The following SPINT1 variants were observed in gnomAD, a reference collection of about 807,000 sequenced individuals.
SPINT1 encodes the protein kunitz-type protease inhibitor 1.
Under a neutral mutation model 53.7 loss-of-function variants are expected in SPINT1, and 38 were observed. That is an observed-to-expected ratio of 0.71 (90% CI 0.55 to 0.93). The LOEUF is 0.93. Among genes scored for constraint, SPINT1 ranks in the 40% least tolerant of loss-of-function variants. The pLI is 0.00. For synonymous variants in SPINT1, 283 were observed against 280.6 expected, an observed-to-expected ratio of 1.01 and a Z score of -0.08; for missense variants, 645 against 692.9, an observed-to-expected ratio of 0.93 and a Z score of 0.78.
chr15:40,855,187 C>T (rs936627571), intron 8 of SPINT1, among the ~76,000 whole-genome samples: 46 of 151,928 alleles, frequency 3.0e-4, no homozygotes, highest in African/African-American at 9.7e-4. Context: ...TCAAGACCAG[C>T]GTGGGCAATA....
Position 40,857,046 on chromosome 15 carries a change from A to T in SPINT1, c.*71A>T. ...AAGGCAGAGGCCTGGGCTGGGAAAAACTTTGGAACCAGACTCTTGCCTGTT... is the reference window on the plus strand; with the variant it reads ...AAGGCAGAGGCCTGGGCTGGGAAAATCTTTGGAACCAGACTCTTGCCTGTT... On this transcript the variant is annotated 3_prime_UTR_variant, in exon 11 of 11. Coordinates refer to ENST00000562057, the MANE Select transcript of SPINT1 (RefSeq NM_003710.4). 1.9e-6 allele frequency: 3 copies of T among 1,570,110 alleles called. No homozygotes were observed. Among genetic ancestry groups the T allele is most frequent in the Non-Finnish European group, 2.6e-6 (3 of 1,154,634 alleles).
chr15:40,856,375 C>T (rs757540941), intron 10 of SPINT1, 52 bp downstream of exon 10: 6 of 1,603,740 alleles, frequency 3.7e-6, no homozygotes, highest in African/African-American at 1.3e-5. Flanking sequence ...TATCAACTCA[C>T]GGATCAACTC....
rs1426745923 is a variant in SPINT1 at position 40,844,701 on chromosome 15, C to T, written c.147C>T (p.Asp49=). The T allele has an allele frequency of 1.2e-6, 2 of 1,608,558 alleles. No individual in the cohort carries two copies. Among genetic ancestry groups the T allele is most frequent in the Non-Finnish European group, 1.7e-6 (2 of 1,177,386 alleles). ...PAPPGLPAGA[D]CLNSFTAGVP... Reference sequence around the variant, plus strand: ...CCCCTGGGCTGCCCGCGGGAGCCGACTGCCTGAACAGCTTTACCGCCGGGG... The same window carrying T: ...CCCCTGGGCTGCCCGCGGGAGCCGATTGCCTGAACAGCTTTACCGCCGGGG... Residue 49 remains aspartate (D), a synonymous_variant, in exon 2 of 11, where the codon GAC becomes GAT. Coordinates refer to ENST00000562057, the MANE Select transcript of SPINT1 (RefSeq NM_003710.4). The surrounding 1 kb of genome is among the most constrained non-coding windows in gnomAD (Gnocchi z 5.8).
At chr15:40,852,442 C>T (rs1209126369) in intron 2 of SPINT1, among the ~76,000 whole-genome samples, 1 of 152,150 alleles carries the variant, frequency 6.6e-6, no homozygotes, top group South Asian at 2.1e-4. Flanking sequence ...CTACAGGCAG[C>T]GATCCTGCAC....
Position 40,853,627 on chromosome 15 carries a change from G to A in SPINT1, c.742G>A (p.Asp248Asn). Residue 248 changes from aspartate (D) to asparagine (N), a missense_variant and splice_region_variant, in exon 4 of 11, where the codon GAC becomes AAC. Coordinates refer to ENST00000562057, the MANE Select transcript of SPINT1 (RefSeq NM_003710.4). ...TGTGCTGTCCACCAAGCAGACAGAA[G>A]GTGAGGGAGGGGTGAGGAGCAGCAC... is the stretch of plus-strand genomic sequence containing the variant. ...VTVLSTKQTE[D>N]YCLASNKVGR... is the part of the protein sequence containing the mutation. 6.2e-7 allele frequency: 1 copy of A among 1,614,020 alleles called. No individual in the cohort carries two copies. The highest frequency in any genetic ancestry group is 8.5e-7 in the Non-Finnish European group (1 of 1,179,950).
At chr15:40,853,650 C>T (rs758838184) in intron 4 of SPINT1, 23 bp downstream of exon 4, 2 of 1,613,996 alleles carry the variant, frequency 1.2e-6, no homozygotes, top group South Asian at 2.2e-5. Flanking sequence ...TGAGGAGCAG[C>T]ACCTGGAGCC....
chr15:40,845,119 G>T (rs1891250524), intron 2 of SPINT1, 90 bp downstream of exon 2: 4 of 1,013,632 alleles, frequency 3.9e-6, no homozygotes, highest in Middle Eastern at 4.3e-4. Flanking sequence ...TCAGAGAGGA[G>T]TTAAGGAGAG....
At chr15:40,847,669 G>C (rs1419156900) in intron 2 of SPINT1, among the ~76,000 whole-genome samples, 1 of 152,130 alleles carries the variant, frequency 6.6e-6, no homozygotes, top group Non-Finnish European at 1.5e-5. Context: ...CTAGCCCTTT[G>C]CTCTCTTGCG....
chr15:40,845,785 C>A (rs1009722036), intron 2 of SPINT1, among the ~76,000 whole-genome samples: 7 of 152,194 alleles, frequency 4.6e-5, no homozygotes, highest in African/African-American at 1.4e-4. Flanking sequence ...TAGAAAGGCA[C>A]CTTGGCCAAG....
intron 9 of SPINT1, 65 bp downstream of exon 9, chr15:40,856,127 T>TC (rs1891634281): frequency 6.3e-7 from 1 of 1,599,770 alleles, no homozygotes; most frequent in African/African-American, 1.3e-5. Context: ...CTCCACTCTG[T>TC]CCCCAGGCCT....
rs1891536611 is a variant in SPINT1 at position 40,853,755 on chromosome 15, T to C, written c.787T>C (p.Phe263Leu). Residue 263 changes from phenylalanine to leucine, a missense_variant, in exon 5 of 11, where the codon TTC (phenylalanine) becomes CTC (leucine). Physicochemically the swap from Phe to Leu is conservative, Grantham distance 22 (BLOSUM62 0). Coordinates refer to ENST00000562057, the MANE Select transcript of SPINT1 (RefSeq NM_003710.4). ...CAAGGTGGGTCGCTGCCGGGGCTCT[T>C]TCCCACGCTGGTACTATGACCCCAC... is the stretch of plus-strand genomic sequence containing the variant. ...SNKVGRCRGS[F>L]PRWYYDPTEQ... The C allele has an allele frequency of 6.2e-7, 1 of 1,614,028 alleles. No individual in the cohort carries two copies. Among genetic ancestry groups the C allele is most frequent in the African/African-American group, 1.3e-5 (1 of 74,924 alleles).
chr15:40,848,757 CAA>C (rs997813741), intron 2 of SPINT1, among the ~76,000 whole-genome samples: 2 of 152,070 alleles, frequency 1.3e-5, no homozygotes, highest in African/African-American at 4.8e-5. Flanking sequence ...ATATAAAGGG[CAA>C]AACAAGATGA....
rs569543610 is a variant in SPINT1, at chr15:40,852,679, G to C, written c.476-445G>C. Among the ~76,000 whole-genome samples the C allele has an allele frequency of 1.6e-3, 249 of 151,028 alleles. 3 individuals carry two copies. The South Asian group carries it at 0.022, about 13-fold the overall frequency. ...TGTGTGTGTTTACTCAATAAGATCA[G>C]ATGGCAGTTTGTTCAGTAATTTGCT... On this transcript the variant is annotated intron_variant, in intron 2 of 10. Transcript: ENST00000562057.
intron 2 of SPINT1, among the ~76,000 whole-genome samples, chr15:40,847,448 G>GTTTT (rs940805627): frequency 3.9e-5 from 6 of 152,304 alleles, no homozygotes; most frequent in African/African-American, 1.4e-4. Context: ...GGGTTTGTTT[G>GTTTT]TTCCTCCTTC....
chr15:40,854,391 G>T lies in SPINT1; in HGVS notation c.941-6G>T, dbSNP rs377189543. 1.9e-6 allele frequency: 3 copies of T among 1,565,646 alleles called. No individual in the cohort carries two copies. The Admixed American group carries it at 5.9e-5, about 31-fold the overall frequency. ...CTTGAGCCTGACCTCCCTTCCACCC[G>T]TCCAGTGTGCTCTGGCACCTGTCAG... is the stretch of plus-strand genomic sequence containing the variant. On this transcript the variant is annotated splice_region_variant and splice_polypyrimidine_tract_variant and intron_variant, in intron 6 of 10. Coordinates refer to ENST00000562057, the MANE Select transcript of SPINT1 (RefSeq NM_003710.4).
intron 10 of SPINT1, 64 bp downstream of exon 10, chr15:40,856,387 A>T: frequency 1.3e-6 from 2 of 1,591,548 alleles, no homozygotes; most frequent in South Asian, 2.2e-5. Flanking sequence ...GATCAACTCC[A>T]CCTGTTGTGA....
In SPINT1 at chr15:40,853,601, C is replaced by T; in HGVS notation, c.716C>T (p.Thr239Ile). 1.2e-6 allele frequency: 2 copies of T among 1,614,034 alleles called. No individual in the cohort carries two copies. Among genetic ancestry groups the T allele is most frequent in the Non-Finnish European group, 1.7e-6 (2 of 1,179,946 alleles). ...GAGGACACGGCCAACGTCACAGTCA[C>T]TGTGCTGTCCACCAAGCAGACAGAA... is the stretch of plus-strand genomic sequence containing the variant. ...HPEDTANVTV[T>I]VLSTKQTEDY... The change falls in exon 4 of 11, where the codon ACT becomes ATT. Residue 239 changes from threonine to isoleucine, a missense_variant. Physicochemically the swap from Thr to Ile is moderately conservative, Grantham distance 89 (BLOSUM62 -1). Coordinates refer to ENST00000562057, the MANE Select transcript of SPINT1 (RefSeq NM_003710.4).
At chr15:40,853,982 C>G in intron 5 of SPINT1, 78 bp from the exon 6 acceptor site, 83 of 1,538,084 alleles carry the variant, frequency 5.4e-5, no homozygotes, top group Non-Finnish European at 6.8e-5. Flanking sequence ...GGAGCTCTCC[C>G]TTGCCCACCC....
chr15:40,853,930 G>T (rs769581820), intron 5 of SPINT1, 49 bp downstream of exon 5: 1 of 1,614,080 alleles, frequency 6.2e-7, no homozygotes, highest in Non-Finnish European at 8.5e-7. Flanking sequence ...TTCCCCCAGG[G>T]TGAGTGGTCT....
Sources: gnomAD v4.1 joint callset for allele counts (sites outside exome capture counted in the v4.1 genomes callset) on GRCh38, gnomAD v4.1.1 for gene constraint, Gnocchi (gnomAD v3.1) non-coding constraint, MANE v1.5 for transcripts, NCBI Gene and HGNC (gene_info 2026-07-23, HGNC 2026-07-21) for gene names.